Variants in HTATIP2 observed in about 807,000 individuals in gnomAD.
HTATIP2 encodes the protein HIV-1 Tat interactive protein 2.
In HTATIP2, 26 loss-of-function variants were observed where a neutral mutation model predicts 24.7. That is an observed-to-expected ratio of 1.05 (90% CI 0.77 to 1.46). HTATIP2 has a LOEUF of 1.46. HTATIP2 is among the 40% of genes most tolerant of loss of function. HTATIP2 has a pLI of 0.00. For synonymous variants in HTATIP2, 99 were observed against 113.2 expected (o/e 0.87, Z 0.79); for missense variants, 284 against 289.6 (o/e 0.98, Z 0.14).
intron 2 of HTATIP2, chr11:20,367,778 C>A: frequency 2.1e-6 from 1 of 481,648 alleles, no homozygotes. Flanking sequence ...CAGCCTTCAG[C>A]GATGATTCAA....
intron 1 of HTATIP2, among the ~76,000 whole-genome samples, chr11:20,365,734 G>A (rs970207090): frequency 1.3e-5 from 2 of 152,082 alleles, no homozygotes; most frequent in South Asian, 2.1e-4. Context: ...AGCTTTGGGA[G>A]TCCGAGGCAG....
At chr11:20,372,616 A>G (rs1199536118) in intron 2 of HTATIP2, among the ~76,000 whole-genome samples, 1 of 152,206 alleles carries the variant, frequency 6.6e-6, no homozygotes, top group Non-Finnish European at 1.5e-5. Context: ...ATGGAATCAT[A>G]AAGACAGAAT....
In HTATIP2 at chr11:20,367,280, C is replaced by A; in HGVS notation, c.302C>A (p.Ala101Glu). 1 of 1,613,950 alleles carries A rather than the reference C, an allele frequency of 6.2e-7. No individual in the cohort carries two copies. The highest frequency in any genetic ancestry group is 8.5e-7 in the Non-Finnish European group (1 of 1,180,010). ...CLGTTRGKAG[A>E]EGFVRVDRDY... ...GGTACCACCAGAGGGAAAGCTGGGG[C>A]GGTAAGGAAGGCATATGCTCTTTTC... is the stretch of plus-strand genomic sequence containing the variant. Residue 101 changes from alanine (A) to glutamate (E), a missense_variant and splice_region_variant, in exon 2 of 5, where the codon GCG (alanine) becomes GAG (glutamate). Physicochemically the swap from Ala to Glu is moderately radical, Grantham distance 107. Transcript: ENST00000451739.
In HTATIP2 at chr11:20,363,923, C is replaced by CGCGTA; in HGVS notation, c.-314_-310dup. The CGCGTA allele has an allele frequency of 8.1e-7, 1 of 1,242,216 alleles. No homozygotes were observed. The highest frequency in any genetic ancestry group is 3.2e-5 in the East Asian group (1 of 31,682). The allele number at this position is 1,242,216 out of a possible 1,614,324, so 76.9% of individuals were successfully genotyped here. A position where few individuals can be genotyped will look rare whatever the true frequency, so the allele number is the denominator to read the frequency against. ...GGGGGCTGGCCCCAGGTAACCCCTC[C>CGCGTA]GCGTATGGGACCGAGCTGGGCCAGG... On this transcript the variant is annotated 5_prime_UTR_variant, in exon 1 of 5. In the 5' UTR this introduces an upstream ATG that the reference lacks. Coordinates refer to ENST00000451739, the MANE Select transcript of HTATIP2 (RefSeq NM_001098522.2).
At chr11:20,379,921 G>A (rs951135273) in intron 3 of HTATIP2, among the ~76,000 whole-genome samples, 1 of 152,214 alleles carries the variant, frequency 6.6e-6, no homozygotes, top group Non-Finnish European at 1.5e-5. Flanking sequence ...CGCATTGAAA[G>A]GATATAGAGC....
chr11:20,363,840 C>G lies in HTATIP2; in HGVS notation c.-398C>G. The stretch of plus-strand genomic sequence containing the variant: ...GCCGGGCCTGCGGCGCTGAGCGCGG[C>G]GGCGGCGGCTGCTCTGGCGGCCGCC... On this transcript the variant is annotated 5_prime_UTR_variant, in exon 1 of 5. Transcript: ENST00000451739. The G allele has an allele frequency of 8.0e-7, 1 of 1,244,928 alleles. No individual in the cohort carries two copies. Among genetic ancestry groups the G allele is most frequent in the Non-Finnish European group, 1.0e-6 (1 of 990,822 alleles). 77.1% of individuals were successfully genotyped at this position (1,244,928 alleles called of 1,614,324 possible). A position where few individuals can be genotyped will look rare whatever the true frequency, so the allele number is the denominator to read the frequency against.
At chr11:20,366,592 A>G (rs573275274) in intron 1 of HTATIP2, among the ~76,000 whole-genome samples, 1 of 152,284 alleles carries the variant, frequency 6.6e-6, no homozygotes, top group East Asian at 1.9e-4. Context: ...GGTGCTTGTT[A>G]AAAGTGCAGA....
At chr11:20,370,258 T>C (rs2064757427) in intron 2 of HTATIP2, among the ~76,000 whole-genome samples, 1 of 152,194 alleles carries the variant, frequency 6.6e-6, no homozygotes. Flanking sequence ...CTAGTGAAGA[T>C]TGAAATAGCC....
At chr11:20,372,008 G>A (rs535326660) in intron 2 of HTATIP2, among the ~76,000 whole-genome samples, 34 of 152,240 alleles carry the variant, frequency 2.2e-4, no homozygotes, top group African/African-American at 7.9e-4. Flanking sequence ...GGATTGAAAG[G>A]GAGTGAAGGA....
At chr11:20,378,521 T>G (rs1265346143) in intron 3 of HTATIP2, among the ~76,000 whole-genome samples, 1 of 152,130 alleles carries the variant, frequency 6.6e-6, no homozygotes, top group Admixed American at 6.5e-5. Context: ...TCAAATAGGA[T>G]TTTTGCTCTC....
At chr11:20,370,878 T>G (rs933536073) in intron 2 of HTATIP2, among the ~76,000 whole-genome samples, 4 of 152,210 alleles carry the variant, frequency 2.6e-5, no homozygotes, top group Admixed American at 1.3e-4. Context: ...CTCGATCTCC[T>G]GACCTCGTGA....
chr11:20,378,117 C>T (rs1352339672), intron 3 of HTATIP2, among the ~76,000 whole-genome samples: 1 of 152,046 alleles, frequency 6.6e-6, no homozygotes, highest in Non-Finnish European at 1.5e-5. Flanking sequence ...GGCTCATGAT[C>T]AGCCTGTAAT....
chr11:20,366,768 C>T (rs548677538), intron 1 of HTATIP2, among the ~76,000 whole-genome samples: 1 of 152,126 alleles, frequency 6.6e-6, no homozygotes, highest in African/African-American at 2.4e-5. Context: ...AATAATTTGC[C>T]CGTAACTACA....
chr11:20,368,085 A>T (rs1355539796), intron 2 of HTATIP2, among the ~76,000 whole-genome samples: 1 of 152,122 alleles, frequency 6.6e-6, no homozygotes, highest in Non-Finnish European at 1.5e-5. Flanking sequence ...AAAATATTTA[A>T]TAATAAATAC....
At chr11:20,373,899 A>C (rs1287852316) in intron 2 of HTATIP2, among the ~76,000 whole-genome samples, 1 of 152,222 alleles carries the variant, frequency 6.6e-6, no homozygotes, top group African/African-American at 2.4e-5. Flanking sequence ...TTTTAAAAGC[A>C]ACTGCATGAA....
chr11:20,371,903 T>C (rs1185278377), intron 2 of HTATIP2, among the ~76,000 whole-genome samples: 5 of 152,162 alleles, frequency 3.3e-5, no homozygotes, highest in Non-Finnish European at 7.4e-5. Context: ...ACATCAAATA[T>C]GGAGATGCCC....
At chr11:20,369,831 T>G (rs978392971) in intron 2 of HTATIP2, among the ~76,000 whole-genome samples, 1 of 152,204 alleles carries the variant, frequency 6.6e-6, no homozygotes, top group Non-Finnish European at 1.5e-5. Context: ...CATACGCATT[T>G]TGGGGGGATG....
At position 20,363,950 on chromosome 11, in the gene HTATIP2, C is replaced by G; in HGVS notation, c.-288C>G. 1 of 1,244,624 alleles carries G rather than the reference C, an allele frequency of 8.0e-7. No individual in the cohort carries two copies. The allele number at this position is 1,244,624 out of a possible 1,614,324, so 77.1% of individuals were successfully genotyped here. Reference sequence around the variant, plus strand: ...CGTATGGGACCGAGCTGGGCCAGGTCTCCTGGCCGGGCCGGGGATACCGTG... The same window carrying G: ...CGTATGGGACCGAGCTGGGCCAGGTGTCCTGGCCGGGCCGGGGATACCGTG... On this transcript the variant is annotated 5_prime_UTR_variant, in exon 1 of 5. Coordinates refer to ENST00000451739, the MANE Select transcript of HTATIP2 (RefSeq NM_001098522.2).
intron 3 of HTATIP2, among the ~76,000 whole-genome samples, chr11:20,380,426 G>A (rs937583192): frequency 1.3e-4 from 20 of 152,000 alleles, no homozygotes; most frequent in African/African-American, 1.7e-4. Context: ...TAATCCCAGC[G>A]CTTTGGGAGG....
Sources: allele counts gnomAD v4.1 joint callset (sites outside exome capture counted in the v4.1 genomes callset), GRCh38; gene constraint gnomAD v4.1.1; transcripts MANE v1.5; gene names NCBI Gene and HGNC (gene_info 2026-07-23, HGNC 2026-07-21).